LRRC4C: variants seen among roughly 807,000 people sequenced by gnomAD.
The protein encoded by LRRC4C is leucine-rich repeat-containing protein 4C.
LRRC4C carries 5 observed loss-of-function variants against 33.6 expected under a neutral mutation model. That is an observed-to-expected ratio of 0.15 (90% CI 0.08 to 0.31). LRRC4C has a LOEUF of 0.31. Among genes scored for constraint, LRRC4C ranks in the 10% least tolerant of loss-of-function variants. The pLI, the probability that LRRC4C is intolerant of heterozygous loss-of-function variation, is 1.00. For synonymous variants in LRRC4C, 329 were observed against 302.0 expected (o/e 1.09, Z -0.93); for missense variants, 560 against 796.7 (o/e 0.70, Z 3.58).
intron 1 of LRRC4C, among the ~76,000 whole-genome samples, chr11:41,311,931 T>C (rs1950653536): frequency 6.6e-6 from 1 of 152,136 alleles, no homozygotes; most frequent in Non-Finnish European, 1.5e-5. Context: ...TCCATGGATA[T>C]TATCCCACAT....
intron 1 of LRRC4C, among the ~76,000 whole-genome samples, chr11:41,053,591 T>C (rs1337912739): frequency 6.6e-6 from 1 of 152,132 alleles, no homozygotes; most frequent in African/African-American, 2.4e-5. Flanking sequence ...AAACTGCTAA[T>C]TTTTTGGTAA....
At chr11:40,837,670 T>C (rs1458767142) in intron 2 of LRRC4C, among the ~76,000 whole-genome samples, 4 of 70,324 alleles carry the variant, frequency 5.7e-5, no homozygotes, top group African/African-American at 1.8e-4. Flanking sequence ...GGAGACCCTG[T>C]CTCTTCAAAA....
At chr11:40,826,621 G>A (rs541657635) in intron 2 of LRRC4C, among the ~76,000 whole-genome samples, 1 of 151,986 alleles carries the variant, frequency 6.6e-6, no homozygotes, top group South Asian at 2.1e-4. Context: ...ACTAGGAAGG[G>A]TAGAATTAAG....
At chr11:41,276,573 CTTCT>C (rs1949492098) in intron 1 of LRRC4C, among the ~76,000 whole-genome samples, 3 of 152,240 alleles carry the variant, frequency 2.0e-5, no homozygotes, top group Middle Eastern at 3.4e-3. Flanking sequence ...AAATCATTCT[CTTCT>C]TTGTTAGATA....
chr11:40,876,729 C>A (rs1318406785), intron 2 of LRRC4C, among the ~76,000 whole-genome samples: 1 of 151,626 alleles, frequency 6.6e-6, no homozygotes, highest in Non-Finnish European at 1.5e-5. Context: ...TTGGTGAAAC[C>A]CCATCTCTAC....
intron 3 of LRRC4C, among the ~76,000 whole-genome samples, chr11:40,354,876 C>T (rs1206509457): frequency 6.6e-6 from 1 of 152,152 alleles, no homozygotes; most frequent in Non-Finnish European, 1.5e-5. Context: ...GTCCCCTTTA[C>T]TCTTCCCCCT....
At chr11:40,880,791 T>G (rs1460307393) in intron 2 of LRRC4C, among the ~76,000 whole-genome samples, 2 of 151,142 alleles carry the variant, frequency 1.3e-5, no homozygotes. Flanking sequence ...CTACTGGGCT[T>G]CCCTGCCTAC....
chr11:40,535,448 G>T (rs148758354), intron 3 of LRRC4C, among the ~76,000 whole-genome samples: 70 of 152,238 alleles, frequency 4.6e-4, no homozygotes, highest in East Asian at 3.1e-3. Flanking sequence ...TACAAAGAAG[G>T]TTCAACAAAG....
At chr11:40,505,720 C>T (rs1274919800) in intron 3 of LRRC4C, among the ~76,000 whole-genome samples, 3 of 152,104 alleles carry the variant, frequency 2.0e-5, no homozygotes, top group African/African-American at 7.2e-5. Context: ...TTGACACTTG[C>T]TTTACTAGGT....
At chr11:40,555,927 G>A (rs919947190) in intron 3 of LRRC4C, among the ~76,000 whole-genome samples, 5 of 152,108 alleles carry the variant, frequency 3.3e-5, no homozygotes, top group African/African-American at 1.2e-4. Context: ...TATTTTCAAT[G>A]TTCCTTATTT....
At chr11:40,647,088 T>C (rs1014686187) in intron 3 of LRRC4C, among the ~76,000 whole-genome samples, 10 of 152,238 alleles carry the variant, frequency 6.6e-5, no homozygotes, top group Non-Finnish European at 1.5e-4. Flanking sequence ...TTCAGCTTAA[T>C]CTACATAATG....
chr11:40,467,994 A>C (rs1029047033), intron 3 of LRRC4C, among the ~76,000 whole-genome samples: 1 of 152,216 alleles, frequency 6.6e-6, no homozygotes, highest in Non-Finnish European at 1.5e-5. Flanking sequence ...GCAGGCCAGC[A>C]TTCCAGTGGA....
chr11:40,118,525 T>C (rs977577650), intron 6 of LRRC4C, among the ~76,000 whole-genome samples: 6 of 152,098 alleles, frequency 3.9e-5, no homozygotes, highest in Non-Finnish European at 1.5e-5. Context: ...AGCAACTTAA[T>C]CTATGCCGGA....
At chr11:41,073,719 G>C (rs888651725) in intron 1 of LRRC4C, among the ~76,000 whole-genome samples, 2 of 152,134 alleles carry the variant, frequency 1.3e-5, no homozygotes, top group African/African-American at 4.8e-5. Context: ...GGGTAATATG[G>C]TTTAGGTGTC....
intron 1 of LRRC4C, among the ~76,000 whole-genome samples, chr11:41,287,237 AT>A (rs527851568): frequency 1.0e-3 from 158 of 152,308 alleles, no homozygotes; most frequent in East Asian, 4.8e-3. Context: ...TGATCTGGTT[AT>A]TACATAGAAA....
At chr11:40,908,993 C>G (rs1956547451) in intron 2 of LRRC4C, among the ~76,000 whole-genome samples, 2 of 152,068 alleles carry the variant, frequency 1.3e-5, no homozygotes, top group Non-Finnish European at 2.9e-5. Flanking sequence ...AGTTTTGCTC[C>G]TGACATTATT....
intron 1 of LRRC4C, among the ~76,000 whole-genome samples, chr11:40,990,139 CACACACCTA>C (rs1352381610): frequency 2.0e-5 from 3 of 149,444 alleles, no homozygotes; most frequent in Non-Finnish European, 3.0e-5. Flanking sequence ...TAGTCCAAAT[CACACACCTA>C]ACTTCCTTTT....
chr11:40,629,561 TG>T (rs1963273771), intron 3 of LRRC4C, among the ~76,000 whole-genome samples: 1 of 152,128 alleles, frequency 6.6e-6, no homozygotes. Context: ...CTTCAGAAAA[TG>T]CACTTTCTGC....
At chr11:41,210,377 C>A (rs1286147742) in intron 1 of LRRC4C, among the ~76,000 whole-genome samples, 2 of 152,116 alleles carry the variant, frequency 1.3e-5, no homozygotes, top group Non-Finnish European at 2.9e-5. Flanking sequence ...GATGGTTTTA[C>A]AAGGGTTTTC....
Sources: gnomAD v4.1 joint callset for allele counts (sites outside exome capture counted in the v4.1 genomes callset) on GRCh38, gnomAD v4.1.1 for gene constraint, MANE v1.5 for transcripts, NCBI Gene and HGNC (gene_info 2026-07-23, HGNC 2026-07-21) for gene names.